MRPL4: variants seen among roughly 807,000 people sequenced by gnomAD.
MRPL4 encodes large ribosomal subunit protein uL4m.
A neutral mutation model predicts 34.1 loss-of-function variants in MRPL4; 34 were observed. That is an observed-to-expected ratio of 1.00 (90% CI 0.76 to 1.33). MRPL4 has a LOEUF of 1.33. MRPL4 is among the 40% of genes most tolerant of loss of function. The probability of loss-of-function intolerance (pLI) is 0.00; values close to 1 mark genes in which losing one functional copy is unlikely to be tolerated. For missense variants in MRPL4, 402 were observed against 434.6 expected, an observed-to-expected ratio of 0.92 and a Z score of 0.67; for synonymous variants, 196 against 188.3, an observed-to-expected ratio of 1.04 and a Z score of -0.33.
chr19:10,251,996 C>T (rs1442639032), upstream of MRPL4: 5 of 525,080 alleles, frequency 9.5e-6, no homozygotes, highest in South Asian at 8.2e-5. Flanking sequence ...GAAGCTGGGT[C>T]TTCTTGCTGT....
At position 10,252,695 on chromosome 19, in the gene MRPL4, C is replaced by G. The variant is rs2039806260; in HGVS notation, c.269C>G (p.Ala90Gly). 6.2e-7 allele frequency: 1 copy of G among 1,602,042 alleles called. No homozygotes were observed. Among genetic ancestry groups the G allele is most frequent in the South Asian group, 1.1e-5 (1 of 91,004 alleles). ...CTGCACCCCGATGTTTTCGCCACCG[C>G]GCCCAGGTGAGCGAGGGCTGTAATG... ...ADLHPDVFATAPRLDILHQVA... is the reference protein window; with the variant it reads ...ADLHPDVFATGPRLDILHQVA... The change falls in exon 3 of 9, where the codon GCG becomes GGG. Residue 90 changes from alanine (A) to glycine (G), a missense_variant. Coordinates refer to ENST00000253099, the MANE Select transcript of MRPL4 (RefSeq NM_015956.3).
upstream of MRPL4, chr19:10,252,070 T>G (rs1599248743): frequency 4.7e-6 from 3 of 636,380 alleles, no homozygotes; most frequent in Admixed American, 3.4e-5. Context: ...GGTCTGGGGG[T>G]TAGTCCTGGG....
At position 10,258,745 on chromosome 19, in the gene MRPL4, A is replaced by G. The variant is rs777996511; in HGVS notation, c.739+60A>G. The stretch of plus-strand genomic sequence containing the variant: ...GTGCAGGCTCCGCTGTTAGAATCAC[A>G]GCGGTTCAAATCCGGCATCTGGTCG... On this transcript the variant is annotated intron_variant, in intron 8 of 8. Coordinates refer to ENST00000253099, the MANE Select transcript of MRPL4 (RefSeq NM_015956.3). 5.6e-6 allele frequency: 9 copies of G among 1,613,550 alleles called. 1 individual carries two copies. The East Asian group carries it at 2.0e-4, about 36-fold the overall frequency.
chr19:10,256,218 G>A (rs549010738), intron 4 of MRPL4, among the ~76,000 whole-genome samples: 1 of 152,152 alleles, frequency 6.6e-6, no homozygotes, highest in South Asian at 2.1e-4. Context: ...CCTGGGAGGC[G>A]GAGGTTGCAG....
Position 10,259,618 on chromosome 19 carries a change from C to T in MRPL4, c.741C>T (p.Gly247=), listed in dbSNP as rs1369570275. ...LKTFNLIPAV[G]LNVHSMLKHQ... ...GCCCCGCCCCCACCCCGCCCCCAGG[C>T]CTAAATGTGCACAGCATGCTCAAGC... The change falls in exon 9 of 9, where the codon GGC becomes GGT. Residue 247 remains glycine (G), a splice_region_variant and synonymous_variant. Coordinates refer to ENST00000253099, the MANE Select transcript of MRPL4 (RefSeq NM_015956.3). The T allele has an allele frequency of 2.5e-6, 4 of 1,587,236 alleles. No homozygotes were observed. Among genetic ancestry groups the T allele is most frequent in the Admixed American group, 1.8e-5 (1 of 56,420 alleles).
chr19:10,253,144 C>T (rs774175416), intron 3 of MRPL4: 51 of 163,146 alleles, frequency 3.1e-4, no homozygotes, highest in Non-Finnish European at 6.1e-4. Context: ...AGGCTGTTTG[C>T]ATTTTAGTTA....
chr19:10,259,696 G>A lies in MRPL4; in HGVS notation c.819G>A (p.Leu273=), dbSNP rs780383697. 2.5e-6 allele frequency: 4 copies of A among 1,613,222 alleles called. No homozygotes were observed. Among genetic ancestry groups the A allele is most frequent in the Non-Finnish European group, 3.4e-6 (4 of 1,179,912 alleles). Residue 273 remains leucine, a synonymous_variant, in exon 9 of 9, where the codon CTG becomes CTA. Coordinates refer to ENST00000253099, the MANE Select transcript of MRPL4 (RefSeq NM_015956.3). ...CCGTCGCCTTCCTGGAGGACAAGCT[G>A]CTCTGGCAGGACTCACGTTACAGAC... ...LPTVAFLEDK[L]LWQDSRYRPL... is the part of the protein sequence containing the mutation.
At chr19:10,258,546 G>A (rs367942603) in intron 7 of MRPL4, 24 bp downstream of exon 7, 2 of 1,614,114 alleles carry the variant, frequency 1.2e-6, no homozygotes, top group South Asian at 2.2e-5. Context: ...GCAGAGCAGG[G>A]GCAGGGGGCC....
Position 10,252,473 on chromosome 19 carries a change from C to T in MRPL4, c.124+10C>T, listed in dbSNP as rs2039802177. 6.2e-7 allele frequency: 1 copy of T among 1,613,774 alleles called. No individual in the cohort carries two copies. Among genetic ancestry groups the T allele is most frequent in the Non-Finnish European group, 8.5e-7 (1 of 1,179,944 alleles). On this transcript the variant is annotated intron_variant, in intron 2 of 8. Coordinates refer to ENST00000253099, the MANE Select transcript of MRPL4 (RefSeq NM_015956.3). ...CAGGTGGCGAGCGAGGGTAAGGCAA[C>T]CGGGGTGGCTCCAGGAGGGGCGGCG... is the stretch of plus-strand genomic sequence containing the variant.
intron 3 of MRPL4, among the ~76,000 whole-genome samples, chr19:10,253,642 T>C (rs2039820662): frequency 6.6e-6 from 1 of 151,760 alleles, no homozygotes; most frequent in Non-Finnish European, 1.5e-5. Flanking sequence ...AATACAAAAA[T>C]TAGCCGGACG....
Position 10,252,304 on chromosome 19 carries a change from C to T in MRPL4, c.51C>T (p.Gly17=). The T allele has an allele frequency of 6.2e-7, 1 of 1,610,064 alleles. No individual in the cohort carries two copies. Among genetic ancestry groups the T allele is most frequent in the South Asian group, 1.1e-5 (1 of 91,002 alleles). The part of the protein sequence containing the change: ...AGARAWLRPT[G]SQGLSSLAEE... ...CGCGGGCCTGGCTTCGGCCTACCGG[C>T]AGCCAGGTGAGGCCAGGGGCTGGAG... Residue 17 remains glycine, a synonymous_variant, in exon 1 of 9, where the codon GGC becomes GGT. Transcript: ENST00000253099.
chr19:10,257,288 T>C (rs565135008), intron 5 of MRPL4, among the ~76,000 whole-genome samples: 1 of 152,180 alleles, frequency 6.6e-6, no homozygotes, highest in East Asian at 1.9e-4. Context: ...GAGATGACTC[T>C]CTCTTGTTTT....
intron 8 of MRPL4, 99 bp from the exon 9 acceptor site, chr19:10,259,518 G>T (rs1183747087): frequency 1.3e-6 from 2 of 1,513,532 alleles, no homozygotes; most frequent in Non-Finnish European, 1.8e-6. Flanking sequence ...CCACAGTGAC[G>T]ATCTCTGTAA....
intron 5 of MRPL4, 107 bp from the exon 6 acceptor site, chr19:10,258,115 C>G: frequency 1.3e-6 from 1 of 753,282 alleles, no homozygotes; most frequent in Non-Finnish European, 2.2e-6. Context: ...TGCCTTGTTC[C>G]TGGCAGCGCC....
intron 8 of MRPL4, 84 bp downstream of exon 8, chr19:10,258,769 C>T (rs764440647): frequency 1.6e-5 from 25 of 1,611,792 alleles, no homozygotes; most frequent in Middle Eastern, 3.4e-4. Context: ...GGCATCTGGT[C>T]GCTGAGTGGC....
intron 8 of MRPL4, chr19:10,259,195 A>G (rs546307479): frequency 1.5e-6 from 2 of 1,305,298 alleles, no homozygotes; most frequent in African/African-American, 1.5e-5. Flanking sequence ...ACATGAGCCT[A>G]AGTCAAGTCC....
chr19:10,253,247 C>G (rs945051430), intron 3 of MRPL4, among the ~76,000 whole-genome samples: 1 of 151,482 alleles, frequency 6.6e-6, no homozygotes, highest in Admixed American at 6.6e-5. Context: ...GAGGCCAAGG[C>G]GGGCGGATCA....
intron 3 of MRPL4, among the ~76,000 whole-genome samples, chr19:10,253,197 C>CT (rs2039812507): frequency 6.6e-6 from 1 of 151,996 alleles, no homozygotes; most frequent in South Asian, 2.1e-4. Context: ...AGGGGCCACC[C>CT]TGGGCGCAGT....
chr19:10,259,355 G>A (rs1362720880), intron 8 of MRPL4: 13 of 1,383,336 alleles, frequency 9.4e-6, no homozygotes, highest in South Asian at 8.7e-5. Context: ...CACCAGAATG[G>A]GAGCCAGGAG....
Sources: allele counts gnomAD v4.1 joint callset (sites outside exome capture counted in the v4.1 genomes callset), GRCh38; gene constraint gnomAD v4.1.1; transcripts MANE v1.5; gene names NCBI Gene and HGNC (gene_info 2026-07-23, HGNC 2026-07-21).